Variants in PODNL1 observed in about 807,000 individuals in gnomAD.
PODNL1 encodes the protein podocan like 1.
Under a neutral mutation model 45.1 loss-of-function variants are expected in PODNL1, and 50 were observed. The ratio of observed to expected loss-of-function variants is 1.11; its 90% CI spans 0.88 to 1.40. The LOEUF is 1.40. Among genes scored for constraint, PODNL1 ranks in the 40% most tolerant of loss-of-function variants. The probability of loss-of-function intolerance (pLI) is 0.00; values close to 1 mark genes in which losing one functional copy is unlikely to be tolerated. For synonymous variants in PODNL1, 406 were observed against 372.5 expected, an observed-to-expected ratio of 1.09 and a Z score of -1.04; for missense variants, 788 against 793.3, an observed-to-expected ratio of 0.99 and a Z score of 0.08.
intron 1 of PODNL1, among the ~76,000 whole-genome samples, chr19:13,943,737 C>T (rs1224232450): frequency 2.6e-5 from 4 of 152,118 alleles, no homozygotes; most frequent in Admixed American, 2.6e-4. Context: ...GCTGGGATTA[C>T]AGGCGTGAGC....
At chr19:13,945,515 C>T (rs2145459570) in intron 1 of PODNL1, among the ~76,000 whole-genome samples, 1 of 151,250 alleles carries the variant, frequency 6.6e-6, no homozygotes, top group East Asian at 2.0e-4. Context: ...GAAATGGAGT[C>T]TCACTCTGCT....
At chr19:13,952,405 G>T in intron 1 of PODNL1, 1 of 1,224,682 alleles carries the variant, frequency 8.2e-7, no homozygotes, top group Non-Finnish European at 1.0e-6. Flanking sequence ...CGCGAGTGCG[G>T]GCTTTCGCCC....
intron 1 of PODNL1, among the ~76,000 whole-genome samples, chr19:13,950,293 G>A (rs557978566): frequency 4.6e-5 from 7 of 152,246 alleles, no homozygotes; most frequent in Admixed American, 2.6e-4. Flanking sequence ...TCAGCCTCCC[G>A]AGTGGCTGAA....
chr19:13,947,042 A>C (rs1254780509), intron 1 of PODNL1, among the ~76,000 whole-genome samples: 7 of 146,672 alleles, frequency 4.8e-5, no homozygotes, highest in Admixed American at 6.7e-5. Flanking sequence ...AAAAAAAAAA[A>C]ACACAAAAAA....
At chr19:13,940,471 T>C (rs1256033790), upstream of PODNL1, among the ~76,000 whole-genome samples, 1 of 145,204 alleles carries the variant, frequency 6.9e-6, no homozygotes, top group Non-Finnish European at 1.5e-5. Context: ...CTCAGGAGCC[T>C]GAGGCAGGAG....
At chr19:13,935,646 C>T in intron 5 of PODNL1, 75 bp downstream of exon 5, 1 of 1,169,422 alleles carries the variant, frequency 8.6e-7, no homozygotes, top group African/African-American at 1.6e-5. Flanking sequence ...GTCTTAACTC[C>T]CTCATTGCTC....
rs145606864 is a variant in PODNL1, at chr19:13,949,805, C to T, written c.18+3314G>A. Reference sequence around the variant, plus strand: ...GCCTCCAGGGCTCGGGTGATCCTCCCACCTCAGCCTCTTACGTAGCTGGGA... The same window carrying T: ...GCCTCCAGGGCTCGGGTGATCCTCCTACCTCAGCCTCTTACGTAGCTGGGA... On this transcript the variant is annotated intron_variant, in intron 1 of 7. Coordinates refer to the PODNL1 transcript ENST00000538371. Among the ~76,000 whole-genome samples the T allele has an allele frequency of 3.6e-3, 540 of 152,058 alleles. 3 individuals carry two copies. The highest frequency in any genetic ancestry group is 0.013 in the African/African-American group (519 of 41,488).
At chr19:13,935,274 A>C (rs1233842302) in intron 5 of PODNL1, among the ~76,000 whole-genome samples, 4 of 152,014 alleles carry the variant, frequency 2.6e-5, no homozygotes, top group African/African-American at 9.7e-5. Context: ...CCACTCCCCA[A>C]GGCTAGGGAT....
At chr19:13,934,599 G>T (rs970048386) in intron 5 of PODNL1, among the ~76,000 whole-genome samples, 189 bp from the exon 6 acceptor site, 1 of 151,916 alleles carries the variant, frequency 6.6e-6, no homozygotes, top group Non-Finnish European at 1.5e-5. Flanking sequence ...TAGGTGTGCA[G>T]GTGAGTGTGC....
rs1245350847 is a variant in PODNL1, at chr19:13,933,970, G to A, written c.675C>T (p.Pro225=). ...HLQNNLISKV[P]RGALSRQTQL... is the part of the protein sequence containing the mutation. ...GAGTCTGGCGGCTCAGGGCTCCTCG[G>A]GGCACCTTGGAGATGAGATTGTTCT... The change falls in exon 7 of 10, where the codon CCC becomes CCT. Residue 225 remains proline (P), a synonymous_variant. Coordinates refer to ENST00000588872, the MANE Select transcript of PODNL1 (RefSeq NM_001370095.3). The surrounding 1 kb of genome is among the most constrained non-coding windows in gnomAD (Gnocchi z 5.2). 1 of 1,609,766 alleles carries A rather than the reference G, an allele frequency of 6.2e-7. No homozygotes were observed. Among genetic ancestry groups the A allele is most frequent in the South Asian group, 1.1e-5 (1 of 90,058 alleles).
chr19:13,934,242 C>T lies in PODNL1; in HGVS notation c.651+12G>A. 1 of 1,498,704 alleles carries T rather than the reference C, an allele frequency of 6.7e-7. No individual in the cohort carries two copies. The highest frequency in any genetic ancestry group is 8.9e-7 in the Non-Finnish European group (1 of 1,127,072). 92.8% of individuals were successfully genotyped at this position (1,498,704 alleles called of 1,614,324 possible). A position where few individuals can be genotyped will look rare whatever the true frequency, so the allele number is the denominator to read the frequency against. ...AGAGTCTGGCCCGGGGTGGGACCTACAGCAGGGCTACCTGCAGGTGGAGCC... is the reference window on the plus strand; with the variant it reads ...AGAGTCTGGCCCGGGGTGGGACCTATAGCAGGGCTACCTGCAGGTGGAGCC... On this transcript the variant is annotated intron_variant, in intron 6 of 9. Coordinates refer to ENST00000588872, the MANE Select transcript of PODNL1 (RefSeq NM_001370095.3).
intron 2 of PODNL1, 128 bp from the exon 3 acceptor site, chr19:13,936,588 A>T: frequency 1.5e-6 from 1 of 674,980 alleles, no homozygotes; most frequent in South Asian, 1.7e-5. Flanking sequence ...TTAATCCCAA[A>T]CACCCCATCA....
chr19:13,931,324 C>T lies in PODNL1; in HGVS notation c.*413G>A, dbSNP rs561514816. 5 of 172,820 alleles carry T rather than the reference C, an allele frequency of 2.9e-5. No homozygotes were observed. The East Asian group carries it at 7.6e-4, about 26-fold the overall frequency. 10.7% of individuals were successfully genotyped at this position (172,820 alleles called of 1,614,324 possible). A position where few individuals can be genotyped will look rare whatever the true frequency, so the allele number is the denominator to read the frequency against. ...ACACGTGGCTAGGTCGCACAGGGTGCTGTTTGGTGACCCCAGTGTGTGCCT... is the reference window on the plus strand; with the variant it reads ...ACACGTGGCTAGGTCGCACAGGGTGTTGTTTGGTGACCCCAGTGTGTGCCT... On this transcript the variant is annotated 3_prime_UTR_variant, in exon 10 of 10. Coordinates refer to ENST00000588872, the MANE Select transcript of PODNL1 (RefSeq NM_001370095.3).
chr19:13,936,264 CTGCCA>C, intron 3 of PODNL1, 98 bp downstream of exon 3: 1 of 1,213,810 alleles, frequency 8.2e-7, no homozygotes, highest in Non-Finnish European at 1.2e-6. Context: ...GTTCTGGGAA[CTGCCA>C]CAGAGCTGCC....
At chr19:13,940,265 A>G (rs1393906942), upstream of PODNL1, among the ~76,000 whole-genome samples, 1 of 151,866 alleles carries the variant, frequency 6.6e-6, no homozygotes, top group Non-Finnish European at 1.5e-5. Flanking sequence ...CGTCTCTAAA[A>G]AAATTTTTTA....
upstream of PODNL1, chr19:13,938,428 T>TC (rs945083054): frequency 1.6e-4 from 207 of 1,293,250 alleles, 1 homozygote; most frequent in African/African-American, 2.7e-3. Context: ...GTCCCCTTGG[T>TC]CCCCCCCAAC....
chr19:13,941,153 G>GT (rs1465798447), upstream of PODNL1, among the ~76,000 whole-genome samples: 7 of 152,012 alleles, frequency 4.6e-5, no homozygotes, highest in African/African-American at 1.7e-4. Context: ...ATCACCTGAG[G>GT]TCAGGAGTTT....
At chr19:13,936,319 CG>C in intron 3 of PODNL1, 47 bp downstream of exon 3, 2 of 1,526,322 alleles carry the variant, frequency 1.3e-6, no homozygotes, top group Non-Finnish European at 1.8e-6. Flanking sequence ...GCTGAGACCT[CG>C]GTCAGTCCTA....
At chr19:13,944,430 TG>T in intron 1 of PODNL1, among the ~76,000 whole-genome samples, 1 of 151,970 alleles carries the variant, frequency 6.6e-6, no homozygotes, top group East Asian at 1.9e-4. Flanking sequence ...CCCAAAGTGC[TG>T]GGATTACAGG....
Sources: gnomAD v4.1 joint callset for allele counts (sites outside exome capture counted in the v4.1 genomes callset) on GRCh38, gnomAD v4.1.1 for gene constraint, Gnocchi (gnomAD v3.1) non-coding constraint, MANE v1.5 for transcripts, NCBI Gene and HGNC (gene_info 2026-07-23, HGNC 2026-07-21) for gene names.